Variants in PDS5B observed in about 807,000 individuals in gnomAD.
PDS5B encodes sister chromatid cohesion protein PDS5 homolog B.
PDS5B carries 51 observed loss-of-function variants against 184.1 expected under a neutral mutation model. The observed-to-expected ratio is 0.28, with a 90% CI of 0.22 to 0.35. PDS5B has a LOEUF of 0.35. Among genes scored for constraint, PDS5B ranks in the 10% least tolerant of loss-of-function variants. The probability of loss-of-function intolerance (pLI) is 1.00; values close to 1 mark genes in which losing one functional copy is unlikely to be tolerated. For synonymous variants in PDS5B, 566 were observed against 569.2 expected (o/e 0.99, Z 0.08); for missense variants, 1,180 against 1,723.3 (o/e 0.68, Z 5.58).
In PDS5B at chr13:32,732,171, T is replaced by C; in HGVS notation, c.2194T>C (p.Cys732Arg). Residue 732 changes from cysteine to arginine, a missense_variant, in exon 20 of 35, where the codon TGT (cysteine) becomes CGT (arginine). Around this residue, in one of 11 missense-constraint regions of PDS5B, gnomAD observed 475 missense variants for 691.5 expected, o/e 0.69. Coordinates refer to ENST00000315596, the MANE Select transcript of PDS5B (RefSeq NM_015032.4). ...CCGTCAAGCCAAATATGCCATTCAT[T>C]GTATCCATGCGATATTTTCTAGTAA... ...PPRQAKYAIH[C>R]IHAIFSSKET... The C allele has an allele frequency of 6.2e-7, 1 of 1,609,580 alleles. No homozygotes were observed. The highest frequency in any genetic ancestry group is 8.5e-7 in the Non-Finnish European group (1 of 1,176,392).
At chr13:32,748,556 C>T (rs1273529581) in intron 24 of PDS5B, among the ~76,000 whole-genome samples, 1 of 151,228 alleles carries the variant, frequency 6.6e-6, no homozygotes, top group East Asian at 1.9e-4. Flanking sequence ...ATGTCATCAT[C>T]TATGTAAGTG....
At chr13:32,737,029 T>G (rs1417706703) in intron 21 of PDS5B, among the ~76,000 whole-genome samples, 1 of 152,214 alleles carries the variant, frequency 6.6e-6, no homozygotes, top group Non-Finnish European at 1.5e-5. Flanking sequence ...CTTAATTATG[T>G]GAAGTTTGTA....
intron 13 of PDS5B, 72 bp downstream of exon 13, chr13:32,688,641 C>A (rs769296595): frequency 4.6e-6 from 4 of 870,290 alleles, no homozygotes; most frequent in Non-Finnish European, 7.9e-6. Flanking sequence ...AAAGAAACTA[C>A]AAACACCTGT....
intron 30 of PDS5B, among the ~76,000 whole-genome samples, chr13:32,761,987 G>A (rs923419850): frequency 2.6e-5 from 4 of 152,014 alleles, no homozygotes; most frequent in Admixed American, 2.0e-4. Flanking sequence ...TGACTTTTTA[G>A]TAATAGCCAT....
rs570859447 is a variant in PDS5B, at chr13:32,598,202, A to G, written c.-20+11609A>G. 1.6e-4 allele frequency among the ~76,000 whole-genome samples: 24 copies of G among 152,098 alleles called. 1 individual carries two copies. The highest frequency in any genetic ancestry group is 5.5e-4 in the African/African-American group (23 of 41,450). On this transcript the variant is annotated intron_variant, in intron 1 of 34. Transcript: ENST00000315596. ...GCAATTCTGCCTCAGCCTCTCAAGT[A>G]TCTGGGACTACAGGCACCCGCCACC...
At chr13:32,747,600 A>G (rs1376745680) in intron 24 of PDS5B, among the ~76,000 whole-genome samples, 4 of 152,094 alleles carry the variant, frequency 2.6e-5, no homozygotes, top group Non-Finnish European at 5.9e-5. Flanking sequence ...AAAAAAAAAA[A>G]AAAAATTTGG....
At chr13:32,737,821 G>A (rs1302966760) in intron 21 of PDS5B, among the ~76,000 whole-genome samples, 1 of 152,098 alleles carries the variant, frequency 6.6e-6, no homozygotes, top group Non-Finnish European at 1.5e-5. Context: ...GTTCCTTAGA[G>A]TTCTTAGAGT....
At chr13:32,632,118 A>C (rs1462535114) in intron 1 of PDS5B, among the ~76,000 whole-genome samples, 1 of 152,228 alleles carries the variant, frequency 6.6e-6, no homozygotes, top group East Asian at 1.9e-4. Context: ...TTTTAGAAGA[A>C]AATATGGGAG....
intron 1 of PDS5B, among the ~76,000 whole-genome samples, chr13:32,619,943 G>A (rs1274387724): frequency 1.3e-5 from 2 of 151,776 alleles, no homozygotes; most frequent in African/African-American, 2.4e-5. Flanking sequence ...GGATTACAGG[G>A]GCCCGCAACC....
At chr13:32,766,746 T>G (rs1006152608) in intron 31 of PDS5B, among the ~76,000 whole-genome samples, 2 of 152,182 alleles carry the variant, frequency 1.3e-5, no homozygotes, top group South Asian at 4.1e-4. Flanking sequence ...CCTCTGTTCT[T>G]AAAACAGTGC....
intron 30 of PDS5B, 116 bp from the exon 31 acceptor site, chr13:32,764,369 CTGAT>C (rs1200519808): frequency 2.4e-5 from 11 of 451,300 alleles, no homozygotes; most frequent in Non-Finnish European, 3.9e-5. Flanking sequence ...TAGAATGAAA[CTGAT>C]TCATTTTTGA....
chr13:32,629,012 C>A lies in PDS5B; in HGVS notation c.-19-19742C>A, dbSNP rs1408661230. Among the ~76,000 whole-genome samples the A allele has an allele frequency of 3.9e-5, 6 of 152,260 alleles. No individual in the cohort carries two copies. In the East Asian group the frequency reaches 9.6e-4, roughly 24 times the overall value. Reference sequence around the variant, plus strand: ...AAATTTAATAGGTATTAACACAAATCTTTTCAGAAAGGCTGTAATAATTCA... The same window carrying A: ...AAATTTAATAGGTATTAACACAAATATTTTCAGAAAGGCTGTAATAATTCA... On this transcript the variant is annotated intron_variant, in intron 1 of 34. Transcript: ENST00000315596.
intron 31 of PDS5B, among the ~76,000 whole-genome samples, chr13:32,765,643 G>A (rs757430430): frequency 6.6e-6 from 1 of 151,976 alleles, no homozygotes; most frequent in African/African-American, 2.4e-5. Context: ...TCACTTTGTC[G>A]CCCAGGCTGG....
At chr13:32,649,400 T>G (rs1372942584) in intron 2 of PDS5B, 1 of 152,328 alleles carries the variant, frequency 6.6e-6, no homozygotes, top group Admixed American at 6.5e-5. Flanking sequence ...GAATAATATT[T>G]TCACCTTTTC....
chr13:32,770,525 C>G lies in PDS5B; in HGVS notation c.4029C>G (p.Ser1343Arg), dbSNP rs1160689981. 3 of 1,609,306 alleles carry G rather than the reference C, an allele frequency of 1.9e-6. No individual in the cohort carries two copies. In the African/African-American group the frequency reaches 4.0e-5, roughly 22 times the overall value. ...GAAATACGGAACAGAAGTCCAAAAG[C>G]AAACAGCACCGAGTGTCAAGGAGAG... The part of the protein sequence containing the change: ...QSGNTEQKSK[S>R]KQHRVSRRAQ... Residue 1343 changes from serine to arginine, a missense_variant, in exon 32 of 35, where the codon AGC becomes AGG. Coordinates refer to ENST00000315596, the MANE Select transcript of PDS5B (RefSeq NM_015032.4).
intron 25 of PDS5B, among the ~76,000 whole-genome samples, chr13:32,754,853 G>A (rs1184126357): frequency 1.1e-4 from 16 of 152,100 alleles, no homozygotes; most frequent in Non-Finnish European, 2.9e-5. Context: ...TTGAAGTGTA[G>A]CTTCTGTCTC....
At chr13:32,619,342 T>C (rs1422958432) in intron 1 of PDS5B, among the ~76,000 whole-genome samples, 1 of 152,206 alleles carries the variant, frequency 6.6e-6, no homozygotes, top group Non-Finnish European at 1.5e-5. Context: ...GTGTAGCCTG[T>C]TGCTCCTAGG....
chr13:32,621,427 A>C (rs554830330), intron 1 of PDS5B, among the ~76,000 whole-genome samples: 2 of 152,274 alleles, frequency 1.3e-5, no homozygotes, highest in South Asian at 4.1e-4. Context: ...GTATTTTGCC[A>C]CTGCGCTCCA....
chr13:32,677,309 A>G (rs1951098268), intron 9 of PDS5B, among the ~76,000 whole-genome samples: 1 of 151,998 alleles, frequency 6.6e-6, no homozygotes, highest in Non-Finnish European at 1.5e-5. Context: ...AAATACTTTT[A>G]CTGTATATAT....
Sources: allele counts gnomAD v4.1 joint callset (sites outside exome capture counted in the v4.1 genomes callset), GRCh38; gene constraint gnomAD v4.1.1; regional missense constraint gnomAD v4.1.1; transcripts MANE v1.5; gene names NCBI Gene and HGNC (gene_info 2026-07-23, HGNC 2026-07-21).